The following SLC35D4 variants were observed in gnomAD, a reference collection of about 807,000 sequenced individuals.
The protein encoded by SLC35D4 is UDP-N-acetylglucosamine transporter SLC35D4.
the SLC35D4 span, among the ~76,000 whole-genome samples, chr18:23,243,401 A>C: frequency 6.6e-6 from 1 of 151,010 alleles, no homozygotes; most frequent in African/African-American, 2.4e-5. Context: ...AAGTGTTCAC[A>C]TCAAGGCCTG....
chr18:23,356,508 G>T, the SLC35D4 span: 1 of 1,404,918 alleles, frequency 7.1e-7, no homozygotes, highest in Non-Finnish European at 1.0e-6. The surrounding 1 kb of genome is among the most constrained non-coding windows in gnomAD (Gnocchi z 4.1). Context: ...ACTCACTCAG[G>T]TCACTAGCAG....
chr18:23,263,006 AC>A, the SLC35D4 span, among the ~76,000 whole-genome samples: 1 of 152,208 alleles, frequency 6.6e-6, no homozygotes, highest in African/African-American at 2.4e-5. Context: ...CTCGATATTC[AC>A]CAAGCAGATA....
chr18:23,411,539 AAG>A, the SLC35D4 span, among the ~76,000 whole-genome samples: 2 of 149,642 alleles, frequency 1.3e-5, no homozygotes, highest in African/African-American at 4.9e-5. Context: ...GAAAGAAAGA[AAG>A]AAAGAAAGAA....
chr18:23,276,368 T>G, the SLC35D4 span, among the ~76,000 whole-genome samples: 17 of 152,062 alleles, frequency 1.1e-4, no homozygotes, highest in South Asian at 8.3e-4. Flanking sequence ...GATTACAGGC[T>G]TGAGCCACCG....
the SLC35D4 span, among the ~76,000 whole-genome samples, chr18:23,405,551 T>G: frequency 6.6e-6 from 1 of 152,172 alleles, no homozygotes; most frequent in Non-Finnish European, 1.5e-5. Context: ...CCAAATGAAC[T>G]AAAACACTCG....
At chr18:23,402,513 T>A in the SLC35D4 span, among the ~76,000 whole-genome samples, 1 of 152,210 alleles carries the variant, frequency 6.6e-6, no homozygotes, top group Admixed American at 6.5e-5. Flanking sequence ...CAGCAAAAGA[T>A]GATTCCCTAG....
At chr18:23,273,978 G>A in the SLC35D4 span, among the ~76,000 whole-genome samples, 1 of 151,946 alleles carries the variant, frequency 6.6e-6, no homozygotes, top group African/African-American at 2.4e-5. Flanking sequence ...TGTTACCCAG[G>A]CCAGAGTGCA....
chr18:23,257,072 AC>A, the SLC35D4 span: 81 of 799,764 alleles, frequency 1.0e-4, no homozygotes, highest in Non-Finnish European at 1.4e-4. Context: ...GGCAGGAAGC[AC>A]AGCCTGTGCC....
the SLC35D4 span, among the ~76,000 whole-genome samples, chr18:23,313,934 C>T: frequency 6.6e-6 from 1 of 152,252 alleles, no homozygotes. Flanking sequence ...CTGCCTGGCT[C>T]TGGCCAGACC....
chr18:23,388,086 TA>T, the SLC35D4 span, among the ~76,000 whole-genome samples: 3 of 152,218 alleles, frequency 2.0e-5, no homozygotes, highest in African/African-American at 7.2e-5. Context: ...AGACCTTATG[TA>T]AATGTTTTTT....
chr18:23,382,468 G>A, the SLC35D4 span, among the ~76,000 whole-genome samples: 1 of 151,928 alleles, frequency 6.6e-6, no homozygotes, highest in Non-Finnish European at 1.5e-5. Flanking sequence ...ACTCAGGGAA[G>A]CAGGCCTGAG....
the SLC35D4 span, among the ~76,000 whole-genome samples, chr18:23,344,206 A>G: frequency 6.6e-6 from 1 of 152,198 alleles, no homozygotes; most frequent in East Asian, 1.9e-4. Flanking sequence ...TTATGGCTGC[A>G]TAGTATCCCA....
chr18:23,411,507 A>C, the SLC35D4 span, among the ~76,000 whole-genome samples: 2 of 149,132 alleles, frequency 1.3e-5, no homozygotes, highest in Non-Finnish European at 3.0e-5. Flanking sequence ...GAAAGAAAGA[A>C]AGAAAGAAAG....
chr18:23,328,547 A>G, the SLC35D4 span, among the ~76,000 whole-genome samples: 2 of 152,228 alleles, frequency 1.3e-5, no homozygotes, highest in Non-Finnish European at 2.9e-5. Flanking sequence ...GCTCAACAAA[A>G]TAAAAGAGGA....
chr18:23,347,470 G>T, the SLC35D4 span, among the ~76,000 whole-genome samples: 9 of 151,576 alleles, frequency 5.9e-5, no homozygotes, highest in Non-Finnish European at 1.3e-4. Context: ...TGTCACCCAG[G>T]CTGGAGTGCA....
At chr18:23,304,052 A>C in the SLC35D4 span, among the ~76,000 whole-genome samples, 1 of 17,556 alleles carries the variant, frequency 5.7e-5, no homozygotes, top group Non-Finnish European at 1.1e-4. Flanking sequence ...CCTGTGTTTA[A>C]ATTAAAAAAA....
the SLC35D4 span, among the ~76,000 whole-genome samples, chr18:23,286,642 C>T: frequency 0.63 from 93,775 of 148,854 alleles, 29,369 homozygotes; most frequent in South Asian, 0.72. Flanking sequence ...GGAGGCTACC[C>T]ACTCCACGTT....
At chr18:23,354,067 C>A in the SLC35D4 span, among the ~76,000 whole-genome samples, 2 of 152,142 alleles carry the variant, frequency 1.3e-5, no homozygotes, top group Non-Finnish European at 2.9e-5. Context: ...TAGTTGCCTG[C>A]GCTGGAACTA....
At chr18:23,284,638 C>T in the SLC35D4 span, among the ~76,000 whole-genome samples, 1 of 152,206 alleles carries the variant, frequency 6.6e-6, no homozygotes, top group African/African-American at 2.4e-5. Flanking sequence ...TCTCAGGACC[C>T]CTTGAGGCTG....
Sources: allele counts gnomAD v4.1 joint callset (sites outside exome capture counted in the v4.1 genomes callset), GRCh38; gene constraint gnomAD v4.1.1; non-coding constraint Gnocchi (gnomAD v3.1); transcripts MANE v1.5; gene names NCBI Gene and HGNC (gene_info 2026-07-23, HGNC 2026-07-21).